The following PACSIN1 variants were observed in gnomAD, a reference collection of about 807,000 sequenced individuals.
PACSIN1 encodes the protein protein kinase C and casein kinase substrate in neurons protein 1.
A neutral mutation model predicts 59.5 loss-of-function variants in PACSIN1; 15 were observed. That is an observed-to-expected ratio of 0.25 (90% CI 0.17 to 0.39). The LOEUF (loss-of-function observed/expected upper bound fraction) is 0.39. Among genes scored for constraint, PACSIN1 ranks in the 10% least tolerant of loss-of-function variants. The pLI, the probability that PACSIN1 is intolerant of heterozygous loss-of-function variation, is 1.00. For synonymous variants in PACSIN1, 210 were observed against 220.6 expected, an observed-to-expected ratio of 0.95 and a Z score of 0.42; for missense variants, 420 against 580.2, an observed-to-expected ratio of 0.72 and a Z score of 2.84.
chr6:34,500,533 G>A (rs758383913), intron 1 of PACSIN1, among the ~76,000 whole-genome samples: 1 of 152,182 alleles, frequency 6.6e-6, no homozygotes, highest in African/African-American at 2.4e-5. Context: ...CAGGCTTCCA[G>A]GCTTTGTTGT....
chr6:34,510,435 G>T (rs979664755), intron 1 of PACSIN1, among the ~76,000 whole-genome samples: 2 of 152,146 alleles, frequency 1.3e-5, no homozygotes, highest in Admixed American at 6.5e-5. Flanking sequence ...TACCTCGTTT[G>T]CCACCTCTCT....
chr6:34,496,460 G>A (rs1766948518), intron 1 of PACSIN1, among the ~76,000 whole-genome samples: 1 of 152,194 alleles, frequency 6.6e-6, no homozygotes, highest in Non-Finnish European at 1.5e-5. Flanking sequence ...TGAGCTCTTG[G>A]CGCAGAGGCT....
Position 34,529,771 on chromosome 6 carries a change from A to C in PACSIN1, c.718A>C (p.Lys240Gln), listed in dbSNP as rs1330940846. Residue 240 changes from lysine (K) to glutamine (Q), a missense_variant, in exon 6 of 10, where the codon AAG (lysine) becomes CAG (glutamine). Physicochemically the swap from Lys to Gln is moderately conservative, Grantham distance 53. Transcript: ENST00000244458. The surrounding 1 kb of genome is among the most constrained non-coding windows in gnomAD (Gnocchi z 6.3). Reference protein sequence around the residue: ...VFEQCQQFEEKRLVFLKEVLL... With the variant: ...VFEQCQQFEEQRLVFLKEVLL... ...TGAGCAATGCCAGCAATTTGAGGAA[A>C]AGCGGCTGGTCTTCCTCAAGGAGGT... 1 of 1,613,980 alleles carries C rather than the reference A, an allele frequency of 6.2e-7. No individual in the cohort carries two copies. Among genetic ancestry groups the C allele is most frequent in the Non-Finnish European group, 8.5e-7 (1 of 1,180,022 alleles).
intron 1 of PACSIN1, among the ~76,000 whole-genome samples, chr6:34,512,239 G>A (rs943279483): frequency 4.6e-5 from 7 of 151,948 alleles, no homozygotes; most frequent in African/African-American, 4.8e-5. Context: ...TGGGGAAGGA[G>A]GGGGAGACAG....
chr6:34,517,941 G>A, intron 1 of PACSIN1, among the ~76,000 whole-genome samples: 1 of 152,260 alleles, frequency 6.6e-6, no homozygotes, highest in East Asian at 1.9e-4. Flanking sequence ...AAAGCCAGGA[G>A]TGTCTCCCTC....
intron 1 of PACSIN1, among the ~76,000 whole-genome samples, chr6:34,483,631 AGG>A (rs1461864777): frequency 2.4e-4 from 31 of 130,900 alleles, no homozygotes; most frequent in African/African-American, 9.0e-4. Flanking sequence ...CTCTCCTTCA[AGG>A]ACTTTTTTTT....
chr6:34,522,873 G>C (rs200878879), intron 1 of PACSIN1, among the ~76,000 whole-genome samples: 1 of 152,188 alleles, frequency 6.6e-6, no homozygotes, highest in Non-Finnish European at 1.5e-5. Context: ...CCAGAAGAGA[G>C]CAAGAACTCA....
At chr6:34,497,432 G>C (rs1414850777) in intron 1 of PACSIN1, among the ~76,000 whole-genome samples, 1 of 151,844 alleles carries the variant, frequency 6.6e-6, no homozygotes, top group African/African-American at 2.4e-5. Flanking sequence ...AAGATGAGGA[G>C]GCACCGTGGA....
intron 1 of PACSIN1, among the ~76,000 whole-genome samples, chr6:34,480,454 G>A (rs1384606324): frequency 4.0e-5 from 6 of 151,352 alleles, no homozygotes; most frequent in African/African-American, 1.5e-4. Flanking sequence ...TTGAACTCCC[G>A]GGCTCAAGCA....
intron 1 of PACSIN1, among the ~76,000 whole-genome samples, chr6:34,489,946 C>G (rs1352364400): frequency 1.3e-5 from 2 of 152,204 alleles, no homozygotes; most frequent in Non-Finnish European, 2.9e-5. Flanking sequence ...CTTCTGGGGA[C>G]CTGGTCTCTC....
In PACSIN1 at chr6:34,475,306, T is replaced by TAA. The variant is rs34453408; in HGVS notation, c.-64+9045_-64+9046dup. Among the ~76,000 whole-genome samples, 124 of 150,336 alleles carry TAA rather than the reference T, an allele frequency of 8.2e-4. 1 individual carries two copies. Among genetic ancestry groups the TAA allele is most frequent in the South Asian group, 3.2e-3 (15 of 4,744 alleles). On this transcript the variant is annotated intron_variant, in intron 1 of 9. Coordinates refer to ENST00000244458, the MANE Select transcript of PACSIN1 (RefSeq NM_020804.5). ...CTCTACTTTCAATGTTTCCTAAAAT[T>TAA]AAAAAAAAAATTAAAAAAACACATA...
rs146300537 is a variant in PACSIN1, at chr6:34,528,824, G to T, written c.403G>T (p.Ala135Ser). ...IMGGFKETKE[A>S]EDGFRKAQKP... is the part of the protein sequence containing the mutation. The stretch of plus-strand genomic sequence containing the variant: ...GGGTGGCTTCAAGGAGACGAAGGAG[G>T]CTGAAGATGGCTTCCGCAAGGCCCA... The change falls in exon 4 of 10, where the codon GCT (alanine) becomes TCT (serine). Residue 135 changes from alanine (A) to serine (S), a missense_variant. Physicochemically the swap from Ala to Ser is moderately conservative, Grantham distance 99. Coordinates refer to ENST00000244458, the MANE Select transcript of PACSIN1 (RefSeq NM_020804.5). 1.5e-4 allele frequency: 244 copies of T among 1,613,002 alleles called. No homozygotes were observed. The highest frequency in any genetic ancestry group is 2.0e-4 in the Non-Finnish European group (235 of 1,179,758).
chr6:34,492,370 A>G lies in PACSIN1; in HGVS notation c.-64+26100A>G, dbSNP rs184999384. On this transcript the variant is annotated intron_variant, in intron 1 of 9. Transcript: ENST00000244458. ...GCTACAGGCACGCATCACCATGCCC[A>G]GCTAATTTTTATTTATTTTTATTTT... Among the ~76,000 whole-genome samples the G allele has an allele frequency of 2.0e-5, 3 of 150,564 alleles. No homozygotes were observed. In the East Asian group the frequency reaches 5.8e-4, roughly 29 times the overall value.
chr6:34,526,403 G>C, intron 2 of PACSIN1, 35 bp downstream of exon 2: 1 of 1,580,348 alleles, frequency 6.3e-7, no homozygotes, highest in Non-Finnish European at 8.7e-7. Flanking sequence ...TCGGGGACCA[G>C]ACAGCCTGGC....
intron 1 of PACSIN1, among the ~76,000 whole-genome samples, chr6:34,484,608 G>T (rs780170199): frequency 6.6e-6 from 1 of 151,962 alleles, no homozygotes; most frequent in Non-Finnish European, 1.5e-5. Context: ...TGGACTCTGG[G>T]TGATAATGAT....
At chr6:34,509,471 A>G (rs1177276007) in intron 1 of PACSIN1, among the ~76,000 whole-genome samples, 1 of 152,194 alleles carries the variant, frequency 6.6e-6, no homozygotes, top group East Asian at 1.9e-4. Flanking sequence ...AATTACTGCA[A>G]CTTAGTAATA....
At chr6:34,512,455 GC>G (rs1767219561) in intron 1 of PACSIN1, among the ~76,000 whole-genome samples, 1 of 152,154 alleles carries the variant, frequency 6.6e-6, no homozygotes, top group Non-Finnish European at 1.5e-5. Context: ...TGGGCAGGGG[GC>G]TCTGCTTACA....
intron 1 of PACSIN1, among the ~76,000 whole-genome samples, chr6:34,483,746 C>T (rs887560993): frequency 2.1e-5 from 3 of 145,840 alleles, no homozygotes; most frequent in Non-Finnish European, 4.5e-5. Flanking sequence ...CCCGGGTTCA[C>T]ATGATTCTCC....
chr6:34,481,317 T>C (rs1561956728), intron 1 of PACSIN1, among the ~76,000 whole-genome samples: 1 of 152,200 alleles, frequency 6.6e-6, no homozygotes, highest in Non-Finnish European at 1.5e-5. Context: ...CCCAAAGTGC[T>C]GGGATTACAT....
Sources: allele counts gnomAD v4.1 joint callset (sites outside exome capture counted in the v4.1 genomes callset), GRCh38; gene constraint gnomAD v4.1.1; non-coding constraint Gnocchi (gnomAD v3.1); transcripts MANE v1.5; gene names NCBI Gene and HGNC (gene_info 2026-07-23, HGNC 2026-07-21).